The following SEMA3A variants were observed in gnomAD, a reference collection of about 807,000 sequenced individuals.
SEMA3A encodes semaphorin 3A, also known as semaphorin-3A.
SEMA3A carries 29 observed loss-of-function variants against 97.9 expected under a neutral mutation model. The ratio of observed to expected loss-of-function variants is 0.30; its 90% CI spans 0.22 to 0.40. The LOEUF (loss-of-function observed/expected upper bound fraction) is 0.40, where lower values mean the gene tolerates loss of function less well. Ranked by LOEUF, SEMA3A falls within the 10% of genes least tolerant of loss-of-function variation. SEMA3A has a pLI of 1.00. For missense variants in SEMA3A, 763 were observed against 951.3 expected (o/e 0.80, Z 2.60); for synonymous variants, 321 against 323.7 (o/e 0.99, Z 0.09).
At chr7:84,426,805 T>G (rs1804840142) in intron 1 of SEMA3A, among the ~76,000 whole-genome samples, 1 of 152,168 alleles carries the variant, frequency 6.6e-6, no homozygotes, top group African/African-American at 2.4e-5. Flanking sequence ...TTAGCTTTAT[T>G]TCTATGTTTC....
chr7:84,221,571 A>T (rs1193295954), intron 3 of SEMA3A, among the ~76,000 whole-genome samples: 1 of 152,098 alleles, frequency 6.6e-6, no homozygotes, highest in Non-Finnish European at 1.5e-5. Context: ...CTTAGAAGCC[A>T]ATGTAGAATT....
At position 83,980,623 on chromosome 7, in the gene SEMA3A, A is replaced by AAAAAAATATATAT. The variant is rs1310318006; in HGVS notation, c.1652+697_1652+698insATATATATTTTTT. Among the ~76,000 whole-genome samples the AAAAAAATATATAT allele has an allele frequency of 7.9e-4, 57 of 71,734 alleles. 1 individual carries two copies. The highest frequency in any genetic ancestry group is 4.6e-3 in the African/African-American group (55 of 12,014). The allele number at this position is 71,734 out of a possible 152,430, so 47.1% of individuals were successfully genotyped here. On this transcript the variant is annotated intron_variant, in intron 14 of 16. Coordinates refer to ENST00000265362, the MANE Select transcript of SEMA3A (RefSeq NM_006080.3). ...CATCTCAAAAAAAAAAAAAAAAAAA[A>AAAAAAATATATAT]ATATATATATATATATACACACACA...
chr7:84,265,416 ATATG>A (rs1237513535), intron 3 of SEMA3A, among the ~76,000 whole-genome samples: 1 of 148,244 alleles, frequency 6.7e-6, no homozygotes, highest in Non-Finnish European at 1.5e-5. Context: ...TTTAAATATA[ATATG>A]TATGAGATAC....
At chr7:83,965,037 G>A (rs989105046) in intron 15 of SEMA3A, among the ~76,000 whole-genome samples, 3 of 151,750 alleles carry the variant, frequency 2.0e-5, no homozygotes, top group African/African-American at 7.3e-5. Context: ...TGTCACAGAA[G>A]TTAATGCTAT....
intron 3 of SEMA3A, among the ~76,000 whole-genome samples, chr7:84,237,581 G>C (rs1266418784): frequency 1.3e-5 from 2 of 152,004 alleles, no homozygotes; most frequent in Non-Finnish European, 2.9e-5. Flanking sequence ...CTTATACTGT[G>C]ACAAGATAGA....
chr7:84,366,985 TAA>T (rs1360560599), intron 2 of SEMA3A, among the ~76,000 whole-genome samples: 2 of 142,470 alleles, frequency 1.4e-5, no homozygotes, highest in Non-Finnish European at 1.6e-5. Context: ...CCTTTAATCT[TAA>T]AAAAAAAAAA....
At chr7:84,074,783 T>C (rs941216026) in intron 4 of SEMA3A, among the ~76,000 whole-genome samples, 2 of 151,776 alleles carry the variant, frequency 1.3e-5, no homozygotes, top group Non-Finnish European at 2.9e-5. Context: ...CTAATTATTG[T>C]TATTATGCTT....
At chr7:83,970,861 T>C (rs1788884883) in intron 15 of SEMA3A, among the ~76,000 whole-genome samples, 2 of 152,136 alleles carry the variant, frequency 1.3e-5, no homozygotes, top group African/African-American at 4.8e-5. Flanking sequence ...CCATAAACTC[T>C]TGGTAACACA....
chr7:84,271,962 T>C (rs559484261), intron 3 of SEMA3A, among the ~76,000 whole-genome samples: 2 of 152,116 alleles, frequency 1.3e-5, no homozygotes, highest in Non-Finnish European at 2.9e-5. Context: ...ATGCAAGCAC[T>C]GAGTCTGTTT....
intron 3 of SEMA3A, among the ~76,000 whole-genome samples, chr7:84,213,747 G>A (rs1304780831): frequency 6.6e-6 from 1 of 152,026 alleles, no homozygotes; most frequent in African/African-American, 2.4e-5. Context: ...GAAAATAGAT[G>A]CAAAAGAATT....
upstream of SEMA3A, among the ~76,000 whole-genome samples, chr7:84,199,695 T>C (rs1032992221): frequency 1.3e-5 from 2 of 152,136 alleles, no homozygotes; most frequent in Non-Finnish European, 2.9e-5. Context: ...TCATTTTTAA[T>C]GAAGGTTTTT....
chr7:84,195,197 C>T (rs1798192420), upstream of SEMA3A: 1 of 152,058 alleles, frequency 6.6e-6, no homozygotes, highest in Non-Finnish European at 1.5e-5. Flanking sequence ...CCTCCTGTCA[C>T]ACAACACATG....
At chr7:84,031,355 T>C (rs933421125) in intron 6 of SEMA3A, among the ~76,000 whole-genome samples, 1 of 152,108 alleles carries the variant, frequency 6.6e-6, no homozygotes, top group Non-Finnish European at 1.5e-5. Context: ...AAAATCTTTT[T>C]CATCTTTGTC....
chr7:84,403,969 C>A (rs13232866), intron 1 of SEMA3A, among the ~76,000 whole-genome samples: 17,051 of 152,170 alleles, frequency 0.11, 1,196 homozygotes, highest in East Asian at 0.28. Flanking sequence ...AAACCGGAAA[C>A]TCTAAAAATC....
At chr7:84,200,623 T>A (rs1798331982) in intron 3 of SEMA3A, among the ~76,000 whole-genome samples, 1 of 152,082 alleles carries the variant, frequency 6.6e-6, no homozygotes, top group African/African-American at 2.4e-5. Flanking sequence ...TTCAACACAT[T>A]TTTAACATTT....
At chr7:83,979,283 G>A (rs1020458232) in intron 14 of SEMA3A, among the ~76,000 whole-genome samples, 11 of 152,034 alleles carry the variant, frequency 7.2e-5, no homozygotes, top group Non-Finnish European at 1.3e-4. Flanking sequence ...ACAGGCATCC[G>A]CCACCACACA....
chr7:84,219,033 T>C (rs866480295), intron 3 of SEMA3A, among the ~76,000 whole-genome samples: 1 of 152,082 alleles, frequency 6.6e-6, no homozygotes, highest in African/African-American at 2.4e-5. Context: ...ACTACTCCTC[T>C]CAAGGAGACT....
chr7:84,150,069 T>A (rs1796583412), intron 1 of SEMA3A, among the ~76,000 whole-genome samples: 1 of 152,206 alleles, frequency 6.6e-6, no homozygotes, highest in South Asian at 2.1e-4. Flanking sequence ...ATATTGTCAT[T>A]AATCAGTTTT....
intron 3 of SEMA3A, among the ~76,000 whole-genome samples, chr7:84,116,631 C>A (rs905639882): frequency 6.6e-6 from 1 of 151,926 alleles, no homozygotes; most frequent in Admixed American, 6.6e-5. Context: ...TAGTCTAGAC[C>A]CTAATCCAAA....
Sources: allele counts gnomAD v4.1 joint callset (sites outside exome capture counted in the v4.1 genomes callset), GRCh38; gene constraint gnomAD v4.1.1; transcripts MANE v1.5; gene names NCBI Gene and HGNC (gene_info 2026-07-23, HGNC 2026-07-21).